Variants in EPB41L3 observed in about 807,000 individuals in gnomAD.
EPB41L3 encodes the protein erythrocyte membrane protein band 4.1 like 3.
Under a neutral mutation model 127.1 loss-of-function variants are expected in EPB41L3, and 57 were observed. The ratio of observed to expected loss-of-function variants is 0.45; its 90% CI spans 0.36 to 0.56. The LOEUF (loss-of-function observed/expected upper bound fraction) is 0.56. Ranked by LOEUF, EPB41L3 falls within the 20% of genes least tolerant of loss-of-function variation. The probability of loss-of-function intolerance (pLI) is 0.00; values close to 1 mark genes in which losing one functional copy is unlikely to be tolerated. For missense variants in EPB41L3, 1,273 were observed against 1,372.2 expected (o/e 0.93, Z 1.14); for synonymous variants, 572 against 549.5 (o/e 1.04, Z -0.57).
chr18:5,535,744 T>C (rs1307848550), intron 1 of EPB41L3, among the ~76,000 whole-genome samples: 1 of 152,160 alleles, frequency 6.6e-6, no homozygotes, highest in Non-Finnish European at 1.5e-5. Flanking sequence ...GGATTCCAAG[T>C]AAATCCAAGA....
intron 1 of EPB41L3, among the ~76,000 whole-genome samples, chr18:5,535,611 G>A (rs1598763963): frequency 6.6e-6 from 1 of 152,204 alleles, no homozygotes; most frequent in Middle Eastern, 3.4e-3. Flanking sequence ...CAACTGTCCG[G>A]GCCAGCCTGA....
chr18:5,484,764 A>G (rs1423147644), intron 2 of EPB41L3, among the ~76,000 whole-genome samples: 1 of 152,080 alleles, frequency 6.6e-6, no homozygotes, highest in Admixed American at 6.5e-5. Flanking sequence ...CTAGACACAT[A>G]CAACTCACCA....
At chr18:5,603,736 C>G (rs1403888985) in intron 3 of EPB41L3, among the ~76,000 whole-genome samples, 1 of 151,880 alleles carries the variant, frequency 6.6e-6, no homozygotes, top group Non-Finnish European at 1.5e-5. Flanking sequence ...GAAAAAATAG[C>G]CTGGCATGGT....
chr18:5,409,168 C>G (rs2075879172), intron 14 of EPB41L3, among the ~76,000 whole-genome samples: 1 of 152,172 alleles, frequency 6.6e-6, no homozygotes, highest in Non-Finnish European at 1.5e-5. Flanking sequence ...GTGCTGGTGA[C>G]ACACCCATTC....
At chr18:5,523,538 C>T (rs1321027105) in intron 1 of EPB41L3, among the ~76,000 whole-genome samples, 1 of 152,186 alleles carries the variant, frequency 6.6e-6, no homozygotes, top group African/African-American at 2.4e-5. Context: ...GTGGCTCACG[C>T]CTGTTATCCC....
chr18:5,441,740 A>C (rs1378603352), intron 5 of EPB41L3, among the ~76,000 whole-genome samples: 1 of 152,228 alleles, frequency 6.6e-6, no homozygotes, highest in Non-Finnish European at 1.5e-5. Context: ...CTGGGATTAC[A>C]GGCGTGAGCC....
chr18:5,396,992 C>T, intron 18 of EPB41L3, 66 bp downstream of exon 18: 3 of 1,489,374 alleles, frequency 2.0e-6, no homozygotes, highest in South Asian at 2.7e-5. Flanking sequence ...TTATGCTGAT[C>T]TAAATTTCCA....
intron 3 of EPB41L3, among the ~76,000 whole-genome samples, chr18:5,448,483 A>G (rs1176129555): frequency 3.3e-5 from 5 of 152,222 alleles, no homozygotes; most frequent in Non-Finnish European, 5.9e-5. Flanking sequence ...TCAACAATCA[A>G]TCAGACTGGA....
chr18:5,505,346 C>G (rs1321976930), intron 1 of EPB41L3, among the ~76,000 whole-genome samples: 2 of 152,090 alleles, frequency 1.3e-5, no homozygotes, highest in African/African-American at 2.4e-5. Flanking sequence ...ACCACATGGT[C>G]CTTCAGCAAA....
At chr18:5,467,914 G>T (rs1415204292) in intron 3 of EPB41L3, among the ~76,000 whole-genome samples, 1 of 152,142 alleles carries the variant, frequency 6.6e-6, no homozygotes, top group Non-Finnish European at 1.5e-5. Flanking sequence ...TTCCTGCCCA[G>T]CTGCAGCTGT....
chr18:5,588,321 C>G (rs1310259944), intron 3 of EPB41L3, among the ~76,000 whole-genome samples: 1 of 151,876 alleles, frequency 6.6e-6, no homozygotes, highest in Non-Finnish European at 1.5e-5. Flanking sequence ...TTTAAACATG[C>G]CCTTAATAGT....
At chr18:5,619,956 T>C (rs562246041) in intron 1 of EPB41L3, among the ~76,000 whole-genome samples, 3 of 152,274 alleles carry the variant, frequency 2.0e-5, no homozygotes, top group East Asian at 1.9e-4. Flanking sequence ...TATCCAGAGA[T>C]GAAAAACTAT....
intron 1 of EPB41L3, among the ~76,000 whole-genome samples, chr18:5,625,387 G>T (rs995404077): frequency 1.3e-5 from 2 of 152,082 alleles, no homozygotes; most frequent in Non-Finnish European, 2.9e-5. Context: ...CGTTTCCGTG[G>T]TGTGTGTCTG....
chr18:5,480,622 T>G (rs1233208471), intron 2 of EPB41L3, among the ~76,000 whole-genome samples: 1 of 152,242 alleles, frequency 6.6e-6, no homozygotes, highest in Admixed American at 6.5e-5. Flanking sequence ...TGTGGAAGAA[T>G]CTCAGAAATT....
At chr18:5,452,280 T>C (rs1394930780) in intron 3 of EPB41L3, among the ~76,000 whole-genome samples, 1 of 152,200 alleles carries the variant, frequency 6.6e-6, no homozygotes, top group Non-Finnish European at 1.5e-5. Flanking sequence ...TTTACTTTTT[T>C]GGGAGGAAGT....
intron 1 of EPB41L3, among the ~76,000 whole-genome samples, chr18:5,511,980 ACAAGGAGATCAGGTAG>A (rs2148682746): frequency 6.6e-6 from 1 of 152,378 alleles, no homozygotes; most frequent in South Asian, 2.1e-4. Context: ...TTTCAATAAG[ACAAGGAGATCAGGTAG>A]CATTAGAATT....
chr18:5,404,569 T>A (rs1598495559), intron 16 of EPB41L3, among the ~76,000 whole-genome samples: 1 of 152,300 alleles, frequency 6.6e-6, no homozygotes, highest in East Asian at 1.9e-4. Flanking sequence ...ATTATTAACA[T>A]CCTTGGGCTT....
At chr18:5,584,147 G>T (rs1447789714) in intron 3 of EPB41L3, among the ~76,000 whole-genome samples, 2 of 152,104 alleles carry the variant, frequency 1.3e-5, no homozygotes, top group Non-Finnish European at 2.9e-5. Context: ...TCTGACCTGG[G>T]CTCCACCTTT....
chr18:5,511,003 T>C (rs2092482777), intron 1 of EPB41L3, among the ~76,000 whole-genome samples: 1 of 152,108 alleles, frequency 6.6e-6, no homozygotes, highest in Admixed American at 6.5e-5. Context: ...ACCTGTGTAC[T>C]GTCCCTTTAT....
Sources: gnomAD v4.1 joint callset for allele counts (sites outside exome capture counted in the v4.1 genomes callset) on GRCh38, gnomAD v4.1.1 for gene constraint, MANE v1.5 for transcripts, NCBI Gene and HGNC (gene_info 2026-07-23, HGNC 2026-07-21) for gene names.